Variants in INSL6 observed in about 807,000 individuals in gnomAD.
INSL6 encodes insulin-like peptide INSL6.
In INSL6, 16 loss-of-function variants were observed where a neutral mutation model predicts 9.4. The ratio of observed to expected loss-of-function variants is 1.70; its 90% CI spans 1.15 to 2.59. The LOEUF is 2.59. Ranked by LOEUF, INSL6 falls within the 30% of genes most tolerant of loss-of-function variation. The pLI is 0.00. For missense variants in INSL6, 391 were observed against 257.3 expected, an observed-to-expected ratio of 1.52 and a Z score of -3.56; for synonymous variants, 154 against 96.9, an observed-to-expected ratio of 1.59 and a Z score of -3.46.
At chr9:5,032,278 A>G in the INSL6 span, among the ~76,000 whole-genome samples, 1 of 152,254 alleles carries the variant, frequency 6.6e-6, no homozygotes, top group Non-Finnish European at 1.5e-5. Context: ...AGCCCACCAC[A>G]GCTCAAGGAG....
chr9:5,117,224 A>T, the INSL6 span, among the ~76,000 whole-genome samples: 1 of 152,202 alleles, frequency 6.6e-6, no homozygotes, highest in African/African-American at 2.4e-5. Flanking sequence ...GTTCTTTATA[A>T]ATTATCCATT....
the INSL6 span, among the ~76,000 whole-genome samples, chr9:5,118,004 G>C: frequency 1.6e-3 from 239 of 152,230 alleles, 1 homozygote; most frequent in African/African-American, 5.3e-3. Context: ...TTTGTAAGTA[G>C]TTATAATGTA....
chr9:5,012,072 G>A, the INSL6 span, among the ~76,000 whole-genome samples: 2 of 152,182 alleles, frequency 1.3e-5, no homozygotes, highest in African/African-American at 2.4e-5. Context: ...TCAGGAGTCA[G>A]GCCCCACTGA....
At chr9:5,159,986 C>T (rs957967845), downstream of INSL6, among the ~76,000 whole-genome samples, 1 of 152,034 alleles carries the variant, frequency 6.6e-6, no homozygotes, top group Non-Finnish European at 1.5e-5. Context: ...ACCAACCTGG[C>T]CAACATGGTG....
chr9:5,067,431 C>T, the INSL6 span, among the ~76,000 whole-genome samples: 1 of 151,946 alleles, frequency 6.6e-6, no homozygotes, highest in Non-Finnish European at 1.5e-5. Context: ...GCAAATTTAT[C>T]TTGCTTTTTT....
intron 1 of INSL6, among the ~76,000 whole-genome samples, chr9:5,172,009 G>C (rs977241171): frequency 6.6e-6 from 1 of 152,136 alleles, no homozygotes; most frequent in Non-Finnish European, 1.5e-5. Flanking sequence ...GGAACCAAAA[G>C]AGCTCAAACA....
At chr9:5,059,376 A>C in the INSL6 span, among the ~76,000 whole-genome samples, 1 of 152,142 alleles carries the variant, frequency 6.6e-6, no homozygotes, top group Non-Finnish European at 1.5e-5. Context: ...AGATTCATTT[A>C]TGTTGTTACA....
chr9:5,069,110 G>A, the INSL6 span: 1 of 1,611,668 alleles, frequency 6.2e-7, no homozygotes, highest in Admixed American at 1.7e-5. Context: ...AAGAACTTCA[G>A]CAGTCTTAAA....
chr9:5,115,995 G>A, the INSL6 span, among the ~76,000 whole-genome samples: 10 of 152,054 alleles, frequency 6.6e-5, no homozygotes, highest in African/African-American at 1.7e-4. Flanking sequence ...ACCATGACAC[G>A]TGTATACCTA....
the INSL6 span, among the ~76,000 whole-genome samples, chr9:5,009,002 T>G: frequency 6.6e-6 from 1 of 152,248 alleles, no homozygotes; most frequent in Non-Finnish European, 1.5e-5. Flanking sequence ...TGAGTCGTAT[T>G]ATTCAACTCT....
chr9:5,112,707 G>T, the INSL6 span: 2 of 858,448 alleles, frequency 2.3e-6, no homozygotes, highest in South Asian at 3.1e-5. Flanking sequence ...CAGCAAGTGC[G>T]AGAGCGGAAC....
chr9:5,163,945 T>C lies in INSL6; in HGVS notation c.610A>G (p.Lys204Glu), dbSNP rs373708383. 17 of 1,607,314 alleles carry C rather than the reference T, an allele frequency of 1.1e-5. No individual in the cohort carries two copies. In the African/African-American group the frequency reaches 1.2e-4, roughly 11 times the overall value. ...PYIDFKRLKE[K>E]RSSLVTKIY ...ATCTTAGTTACAAGTGATGATCTTT[T>C]TTCCTTTAGCCTTTTAAAATCAATA... Residue 204 changes from lysine to glutamate, a missense_variant, in exon 2 of 2, where the codon AAA (lysine) becomes GAA (glutamate). Coordinates refer to ENST00000381641, the MANE Select transcript of INSL6 (RefSeq NM_007179.3).
chr9:5,073,770 G>T, the INSL6 span: 471 of 1,605,918 alleles, frequency 2.9e-4, 17 homozygotes, highest in Middle Eastern at 4.9e-4. Context: ...TGGAGTATGT[G>T]TCTGTGGAGA....
chr9:5,031,900 A>G, the INSL6 span, among the ~76,000 whole-genome samples: 2 of 152,186 alleles, frequency 1.3e-5, no homozygotes, highest in Non-Finnish European at 2.9e-5. Context: ...TGGGGAGTGT[A>G]GGAAAGTGAG....
At chr9:5,095,463 G>A in the INSL6 span, among the ~76,000 whole-genome samples, 6 of 152,016 alleles carry the variant, frequency 3.9e-5, no homozygotes, top group African/African-American at 1.2e-4. Flanking sequence ...TCAACAACCC[G>A]TCCTCCGGGC....
the INSL6 span, among the ~76,000 whole-genome samples, chr9:5,038,259 A>G: frequency 1.3e-5 from 2 of 152,224 alleles, no homozygotes; most frequent in Non-Finnish European, 2.9e-5. Flanking sequence ...AAGAACAGAA[A>G]GTTTGAATAG....
chr9:5,144,665 G>T (rs770167939), intron 2 of INSL6, among the ~76,000 whole-genome samples: 1 of 152,064 alleles, frequency 6.6e-6, no homozygotes, highest in Non-Finnish European at 1.5e-5. Context: ...TCCTGTGTTG[G>T]GTGCAAACAT....
chr9:5,003,837 T>C, the INSL6 span, among the ~76,000 whole-genome samples: 1 of 145,554 alleles, frequency 6.9e-6, no homozygotes, highest in African/African-American at 2.4e-5. Flanking sequence ...GTTTTTTTAC[T>C]GTTACCCTTT....
the INSL6 span, chr9:5,044,321 A>G: frequency 1.2e-6 from 1 of 809,218 alleles, no homozygotes; most frequent in Non-Finnish European, 2.1e-6. Context: ...ACCTTTCAGT[A>G]TGCTGTAGGT....
Sources: gnomAD v4.1 joint callset for allele counts (sites outside exome capture counted in the v4.1 genomes callset) on GRCh38, gnomAD v4.1.1 for gene constraint, MANE v1.5 for transcripts, NCBI Gene and HGNC (gene_info 2026-07-23, HGNC 2026-07-21) for gene names.